HPSE2: variants seen among roughly 807,000 people sequenced by gnomAD.
The protein encoded by HPSE2 is heparanase 2 (inactive).
A neutral mutation model predicts 60.5 loss-of-function variants in HPSE2; 38 were observed. The ratio of observed to expected loss-of-function variants is 0.63; its 90% CI spans 0.48 to 0.82. HPSE2 has a LOEUF of 0.82. Ranked by LOEUF, HPSE2 falls within the 40% of genes least tolerant of loss-of-function variation. HPSE2 has a pLI of 0.00. For synonymous variants in HPSE2, 295 were observed against 293.2 expected (o/e 1.01, Z -0.06); for missense variants, 713 against 740.4 (o/e 0.96, Z 0.43).
chr10:99,155,639 C>CA (rs1846514353), intron 2 of HPSE2, among the ~76,000 whole-genome samples: 1 of 145,266 alleles, frequency 6.9e-6, no homozygotes, highest in African/African-American at 2.5e-5. Context: ...TAAATGCCCA[C>CA]AAGAGAAAGC....
intron 3 of HPSE2, among the ~76,000 whole-genome samples, chr10:98,992,857 C>T (rs1956557596): frequency 6.6e-6 from 1 of 152,196 alleles, no homozygotes; most frequent in South Asian, 2.1e-4. Flanking sequence ...GGGTTCCAAT[C>T]CTGGCTATAA....
At chr10:98,894,398 T>A (rs1352287654) in intron 3 of HPSE2, among the ~76,000 whole-genome samples, 2 of 152,122 alleles carry the variant, frequency 1.3e-5, no homozygotes, top group African/African-American at 4.8e-5. Context: ...ACTGAAATAA[T>A]GAGGCAAAAT....
Position 98,490,049 on chromosome 10 carries a change from A to G in HPSE2, c.1466+2T>C. 6.2e-7 allele frequency: 1 copy of G among 1,614,122 alleles called. No homozygotes were observed. The highest frequency in any genetic ancestry group is 8.5e-7 in the Non-Finnish European group (1 of 1,179,982). On this transcript the variant is annotated splice_donor_variant, in intron 10 of 11. Coordinates refer to ENST00000370552, the MANE Select transcript of HPSE2 (RefSeq NM_021828.5). LOFTEE classifies it high-confidence loss of function. ...CTTTCTGCCATCTTTCTGAGGACTT[A>G]CTTGTGGTGGTTTGTGCAGTGAGCA...
chr10:98,851,839 A>G (rs1952180370), intron 3 of HPSE2, among the ~76,000 whole-genome samples: 1 of 152,200 alleles, frequency 6.6e-6, no homozygotes, highest in Admixed American at 6.5e-5. Flanking sequence ...ATCCTAAGTA[A>G]TAAAAATCAC....
chr10:99,203,202 C>A (rs1311365696), intron 2 of HPSE2, among the ~76,000 whole-genome samples: 1 of 151,976 alleles, frequency 6.6e-6, no homozygotes. Flanking sequence ...CAGGCCAGCC[C>A]CCAGAGACTC....
chr10:99,077,826 A>G (rs186889273), intron 3 of HPSE2, among the ~76,000 whole-genome samples: 50 of 151,720 alleles, frequency 3.3e-4, no homozygotes, highest in African/African-American at 1.2e-3. Flanking sequence ...TATGGTTTGG[A>G]TGTTTGTCAC....
upstream of HPSE2, chr10:99,235,987 TTTTG>T (rs777032677): frequency 2.7e-5 from 13 of 477,876 alleles, no homozygotes; most frequent in Admixed American, 3.8e-5. Flanking sequence ...CGCTCGCTCG[TTTTG>T]TTTTTTTCTT....
At chr10:99,136,603 C>T (rs189405390) in intron 3 of HPSE2, among the ~76,000 whole-genome samples, 6 of 152,238 alleles carry the variant, frequency 3.9e-5, no homozygotes, top group African/African-American at 7.2e-5. Flanking sequence ...AATCAATAAA[C>T]GTAATCCACC....
intron 9 of HPSE2, among the ~76,000 whole-genome samples, chr10:98,498,243 C>T (rs574249545): frequency 7.9e-5 from 12 of 152,262 alleles, no homozygotes; most frequent in Admixed American, 6.5e-4. Flanking sequence ...TGGACTGCTT[C>T]TGCAGGACCT....
At chr10:98,741,874 G>A (rs1404648667) in intron 4 of HPSE2, among the ~76,000 whole-genome samples, 1 of 152,126 alleles carries the variant, frequency 6.6e-6, no homozygotes, top group Non-Finnish European at 1.5e-5. Context: ...CCTGTTTGAA[G>A]AATATTTTGC....
upstream of HPSE2, among the ~76,000 whole-genome samples, chr10:99,237,729 C>CTG (rs558881080): frequency 6.6e-6 from 1 of 152,052 alleles, no homozygotes; most frequent in Non-Finnish European, 1.5e-5. Flanking sequence ...ATCCTTTAAA[C>CTG]TGTGTGTGTG....
the HPSE2 span, among the ~76,000 whole-genome samples, chr10:99,244,834 C>A: frequency 6.6e-6 from 1 of 152,004 alleles, no homozygotes; most frequent in African/African-American, 2.4e-5. Context: ...GTAGTACATA[C>A]TTACTCAATA....
At chr10:98,512,502 A>G (rs906864407) in intron 9 of HPSE2, among the ~76,000 whole-genome samples, 5 of 151,634 alleles carry the variant, frequency 3.3e-5, no homozygotes, top group Non-Finnish European at 5.9e-5. Context: ...GGAGAATGGC[A>G]TGAACCCGGG....
At chr10:98,619,187 G>C (rs1321576888) in intron 8 of HPSE2, among the ~76,000 whole-genome samples, 1 of 151,974 alleles carries the variant, frequency 6.6e-6, no homozygotes, top group Non-Finnish European at 1.5e-5. Context: ...GCTGTTAGTA[G>C]CAAAACACAT....
At chr10:98,857,746 A>ACTTG (rs907057805) in intron 3 of HPSE2, among the ~76,000 whole-genome samples, 16 of 152,140 alleles carry the variant, frequency 1.1e-4, no homozygotes, top group African/African-American at 3.4e-4. Context: ...GGACCCAAGG[A>ACTTG]CTTGATTGAA....
chr10:99,135,270 C>A (rs374670032), intron 3 of HPSE2, among the ~76,000 whole-genome samples: 5 of 152,272 alleles, frequency 3.3e-5, no homozygotes, highest in East Asian at 3.9e-4. Flanking sequence ...GAGACTTTAA[C>A]ACCCCACTGT....
chr10:99,007,950 C>A (rs1194573198), intron 3 of HPSE2, among the ~76,000 whole-genome samples: 1 of 152,158 alleles, frequency 6.6e-6, no homozygotes, highest in Admixed American at 6.5e-5. Flanking sequence ...CTCCCCATGC[C>A]CTGTATGCAT....
the HPSE2 span, among the ~76,000 whole-genome samples, chr10:99,292,451 G>A: frequency 6.6e-6 from 1 of 152,304 alleles, no homozygotes; most frequent in African/African-American, 2.4e-5. Flanking sequence ...CAAGCATTCA[G>A]GGAGTGCTTA....
chr10:99,011,828 T>C (rs1332201528), intron 3 of HPSE2, among the ~76,000 whole-genome samples: 1 of 148,460 alleles, frequency 6.7e-6, no homozygotes, highest in East Asian at 2.0e-4. Context: ...TTTGTACAAA[T>C]AATACATTGT....
Sources: allele counts gnomAD v4.1 joint callset (sites outside exome capture counted in the v4.1 genomes callset), GRCh38; gene constraint gnomAD v4.1.1; transcripts MANE v1.5; gene names NCBI Gene and HGNC (gene_info 2026-07-23, HGNC 2026-07-21).